The following RBM10 variants were observed in gnomAD, a reference collection of about 807,000 sequenced individuals.
RBM10 encodes the protein RNA-binding protein 10.
RBM10 carries 1 observed loss-of-function variant against 84.9 expected under a neutral mutation model. That is an observed-to-expected ratio of 0.01 (90% CI 0.00 to 0.06). The LOEUF is 0.06. RBM10 is among the 10% of genes least tolerant of loss of function. The pLI, the probability that RBM10 is intolerant of heterozygous loss-of-function variation, is 1.00. For synonymous variants in RBM10, 326 were observed against 344.5 expected, an observed-to-expected ratio of 0.95 and a Z score of 0.60; for missense variants, 438 against 839.0, an observed-to-expected ratio of 0.52 and a Z score of 5.90.
chrX:47,183,921 A>T lies in RBM10; in HGVS notation c.1951-1134A>T, dbSNP rs891812954. ...GCCATGTTGGCCAGGCTGGTCTCAA[A>T]CTCCTGACCTCAGGTGATGTGTCTG... On this transcript the variant is annotated intron_variant, in intron 17 of 23. Transcript: ENST00000377604. 5.5e-5 allele frequency among the ~76,000 whole-genome samples: 6 copies of T among 109,059 alleles called. No homozygotes were observed. In the East Asian group the frequency reaches 1.8e-3, roughly 32 times the overall value. 94.7% of individuals were successfully genotyped at this position (109,059 alleles called of 115,157 possible).
intron 2 of RBM10, among the ~76,000 whole-genome samples, chrX:47,163,168 G>C (rs1398793725): frequency 9.0e-6 from 1 of 111,464 alleles, no homozygotes; most frequent in African/African-American, 3.3e-5. Context: ...AAACTGTTAA[G>C]GTCATTAAAA....
chrX:47,172,754 A>G (rs1261129178), intron 4 of RBM10, among the ~76,000 whole-genome samples: 1 of 112,144 alleles, frequency 8.9e-6, no homozygotes, highest in Non-Finnish European at 1.9e-5. Context: ...CAAGAATTGC[A>G]TCCCAGGTTT....
intron 2 of RBM10, among the ~76,000 whole-genome samples, chrX:47,167,151 C>G (rs1163343078): frequency 1.8e-5 from 2 of 111,022 alleles, no homozygotes; most frequent in Non-Finnish European, 3.8e-5. Flanking sequence ...TCTGTGAATT[C>G]TGTTTACTTC....
Position 47,175,141 on chromosome X carries a change from A to T in RBM10, c.576+49A>T, listed in dbSNP as rs1389841012. On this transcript the variant is annotated intron_variant, in intron 6 of 23. Transcript: ENST00000377604. ...CCCCCCAAACAAATACTACTTTGTA[A>T]TCGAGCGCTCCCCATCGCCTGATTC... 4.3e-6 allele frequency: 4 copies of T among 923,533 alleles called. No homozygotes were observed. The African/African-American group carries it at 8.9e-5, about 21-fold the overall frequency. 76.1% of individuals were successfully genotyped at this position (923,533 alleles called of 1,213,427 possible).
At chrX:47,174,986 C>G in intron 5 of RBM10, 33 bp from the exon 6 acceptor site, 1 of 1,183,730 alleles carries the variant, frequency 8.4e-7, no homozygotes, top group Non-Finnish European at 1.1e-6. Flanking sequence ...TGTTGACTAA[C>G]CCACTGCGTC....
intron 6 of RBM10, 46 bp from the exon 7 acceptor site, chrX:47,176,454 G>A (rs1935158102): frequency 8.3e-7 from 1 of 1,209,242 alleles, no homozygotes; most frequent in Non-Finnish European, 1.1e-6. Flanking sequence ...AACGGTGCGT[G>A]GGGCACTGCT....
At chrX:47,185,023 T>A (rs2147209136) in intron 17 of RBM10, 32 bp from the exon 18 acceptor site, 3 of 1,195,874 alleles carry the variant, frequency 2.5e-6, no homozygotes, top group Non-Finnish European at 3.4e-6. Context: ...TCATGAGGGT[T>A]CTGGGAACCT....
At position 47,146,112 on chromosome X, in the gene RBM10, C is replaced by T. The variant is rs550635744; in HGVS notation, c.-126+627C>T. 6.3e-5 allele frequency among the ~76,000 whole-genome samples: 7 copies of T among 110,705 alleles called. No homozygotes were observed. The Admixed American group carries it at 6.7e-4, about 11-fold the overall frequency. ...GGGGAGTTTGTATCTGTGACACTGA[C>T]GCTCATCCATGGAAAGGGGACCCAC... On this transcript the variant is annotated intron_variant, in intron 1 of 23. Coordinates refer to ENST00000377604, the MANE Select transcript of RBM10 (RefSeq NM_005676.5).
In RBM10 at chrX:47,163,505, C is replaced by T. The variant is rs782437989; in HGVS notation, c.18-5810C>T. Among the ~76,000 whole-genome samples the T allele has an allele frequency of 6.3e-5, 7 of 111,736 alleles. No homozygotes were observed. In the South Asian group the frequency reaches 2.6e-3, roughly 41 times the overall value. On this transcript the variant is annotated intron_variant, in intron 2 of 23. Coordinates refer to ENST00000377604, the MANE Select transcript of RBM10 (RefSeq NM_005676.5). The stretch of plus-strand genomic sequence containing the variant: ...TTGTTTATTTTTGTTGGTTTTATAG[C>T]GATGAGTTTTCGGTATGTTGCCCAG...
At chrX:47,171,682 C>CT (rs1485855866) in intron 4 of RBM10, among the ~76,000 whole-genome samples, 1 of 112,523 alleles carries the variant, frequency 8.9e-6, no homozygotes, top group Non-Finnish European at 1.9e-5. Context: ...ATTTCCTTCT[C>CT]TTTTTCCCCC....
At position 47,169,616 on chromosome X, in the gene RBM10, C is replaced by T. The variant is rs1602551307; in HGVS notation, c.201+118C>T. ...CACTCCCGTGCCTTCAGACTGTGCT[C>T]GGTGGCTTTGCCTCACCTGGAGGGC... On this transcript the variant is annotated intron_variant, in intron 3 of 23. Coordinates refer to ENST00000377604, the MANE Select transcript of RBM10 (RefSeq NM_005676.5). 1.4e-5 allele frequency: 11 copies of T among 791,279 alleles called. No individual in the cohort carries two copies. In the East Asian group the frequency reaches 1.7e-4, roughly 13 times the overall value. 65.2% of individuals were successfully genotyped at this position (791,279 alleles called of 1,213,427 possible).
chrX:47,161,332 T>C (rs1439805155), intron 2 of RBM10, among the ~76,000 whole-genome samples: 4 of 111,213 alleles, frequency 3.6e-5, no homozygotes, highest in African/African-American at 1.3e-4. Context: ...AACTATTATT[T>C]ATTGACTAAT....
At chrX:47,160,024 C>G (rs1602521044) in intron 2 of RBM10, among the ~76,000 whole-genome samples, 1 of 111,928 alleles carries the variant, frequency 8.9e-6, no homozygotes, top group Admixed American at 9.5e-5. Context: ...ATAATCCCAG[C>G]TACTTGGGAG....
intron 2 of RBM10, among the ~76,000 whole-genome samples, chrX:47,162,989 A>G (rs1046925827): frequency 2.7e-5 from 3 of 109,396 alleles, no homozygotes; most frequent in Non-Finnish European, 5.7e-5. Flanking sequence ...TCATGTTGTT[A>G]TCATGTACTC....
At chrX:47,179,229 GT>G in intron 8 of RBM10, 66 bp downstream of exon 8, 2 of 1,192,668 alleles carry the variant, frequency 1.7e-6, no homozygotes, top group Non-Finnish European at 2.3e-6. Flanking sequence ...AGGGTGAGGG[GT>G]CTGTGCTCAG....
chrX:47,146,399 A>G (rs1487359161), intron 1 of RBM10, among the ~76,000 whole-genome samples: 1 of 111,615 alleles, frequency 9.0e-6, no homozygotes, highest in African/African-American at 3.3e-5. Context: ...TTGTCTGTGT[A>G]TGTGTGTGCA....
At position 47,176,536 on chromosome X, in the gene RBM10, C is replaced by T. The variant is rs2147156352; in HGVS notation, c.613C>T (p.His205Tyr). 1 of 1,211,636 alleles carries T rather than the reference C, an allele frequency of 8.3e-7. No individual in the cohort carries two copies. The change falls in exon 7 of 24, where the codon CAC becomes TAC. Residue 205 changes from histidine (H) to tyrosine (Y), a missense_variant. This residue lies in a region of RBM10 where 28 missense variants were observed against 98.6 expected (regional missense o/e 0.28). Coordinates refer to ENST00000377604, the MANE Select transcript of RBM10 (RefSeq NM_005676.5). ...LNILGQKVSMHYSDPKPKINE... is the reference protein window; with the variant it reads ...LNILGQKVSMYYSDPKPKINE... Reference sequence around the variant, plus strand: ...CATCCTGGGCCAGAAGGTGTCGATGCACTACAGTGACCCCAAGCCCAAGAT... The same window carrying T: ...CATCCTGGGCCAGAAGGTGTCGATGTACTACAGTGACCCCAAGCCCAAGAT...
chrX:47,169,636 G>C (rs1934493587), intron 3 of RBM10, 138 bp downstream of exon 3: 1 of 632,593 alleles, frequency 1.6e-6, no homozygotes, highest in Non-Finnish European at 2.4e-6. Context: ...GCCTCACCTG[G>C]AGGGCCTGTT....
At chrX:47,152,852 A>G (rs191521947) in intron 2 of RBM10, among the ~76,000 whole-genome samples, 2 of 101,126 alleles carry the variant, frequency 2.0e-5, no homozygotes, top group Non-Finnish European at 4.0e-5. Flanking sequence ...GGCAGCCATG[A>G]CTTTTCTTTT....
Sources: gnomAD v4.1 joint callset for allele counts (sites outside exome capture counted in the v4.1 genomes callset) on GRCh38, gnomAD v4.1.1 for gene constraint, gnomAD v4.1.1 regional missense constraint, MANE v1.5 for transcripts, NCBI Gene and HGNC (gene_info 2026-07-23, HGNC 2026-07-21) for gene names.